ZFYVE19: variants seen among roughly 807,000 people sequenced by gnomAD.
The protein encoded by ZFYVE19 is abscission/NoCut checkpoint regulator.
Under a neutral mutation model 62.8 loss-of-function variants are expected in ZFYVE19, and 49 were observed. The ratio of observed to expected loss-of-function variants is 0.78; its 90% confidence interval spans 0.62 to 0.99. The LOEUF (loss-of-function observed/expected upper bound fraction) is 0.99, where lower values mean the gene tolerates loss of function less well. Among genes scored for constraint, ZFYVE19 ranks in the 50% least tolerant of loss-of-function variants. The probability of loss-of-function intolerance (pLI) is 0.00; values close to 1 mark genes in which losing one functional copy is unlikely to be tolerated. For synonymous variants in ZFYVE19, 242 were observed against 234.3 expected (o/e 1.03, Z -0.30); for missense variants, 630 against 601.9 (o/e 1.05, Z -0.49).
Position 40,813,694 on chromosome 15 carries a change from A to T in ZFYVE19, c.1111-19A>T, listed in dbSNP as rs754384178. 6.2e-7 allele frequency: 1 copy of T among 1,606,082 alleles called. No homozygotes were observed. The highest frequency in any genetic ancestry group is 8.5e-7 in the Non-Finnish European group (1 of 1,175,754). ...TGGGCCTGAAGCAGGGGAGTAGTAC[A>T]TCTTCACCCTGTCCGCAGCTCACTG... On this transcript the variant is annotated intron_variant, in intron 8 of 10. Transcript: ENST00000355341.
In ZFYVE19 at chr15:40,807,435, G is replaced by A; in HGVS notation, c.-155G>A. The stretch of plus-strand genomic sequence containing the variant: ...ACAGGTCCATCTGTAAGAGCTCCTT[G>A]GTCACTGCCATGGTTCCGGCCTGAC... On this transcript the variant is annotated 5_prime_UTR_variant, in exon 1 of 11. Transcript: ENST00000355341. 3.1e-6 allele frequency: 5 copies of A among 1,614,228 alleles called. No individual in the cohort carries two copies. Among genetic ancestry groups the A allele is most frequent in the Non-Finnish European group, 4.2e-6 (5 of 1,180,034 alleles).
chr15:40,811,567 T>C (rs1403366522), intron 6 of ZFYVE19, among the ~76,000 whole-genome samples: 5 of 150,270 alleles, frequency 3.3e-5, no homozygotes, highest in African/African-American at 4.9e-5. Flanking sequence ...CACAATCTCA[T>C]TGAATATCCT....
intron 1 of ZFYVE19, 28 bp from the exon 2 acceptor site, chr15:40,809,091 G>A (rs1890387689): frequency 6.2e-7 from 1 of 1,610,740 alleles, no homozygotes; most frequent in African/African-American, 1.3e-5. Flanking sequence ...GGGTGAGAGG[G>A]GGATCTCCCG....
At chr15:40,808,569 C>A in intron 1 of ZFYVE19, 1 of 618,618 alleles carries the variant, frequency 1.6e-6, no homozygotes, top group Non-Finnish European at 2.6e-6. Flanking sequence ...GTTATGTAAC[C>A]TCTCTGGCCC....
Position 40,813,914 on chromosome 15 carries a change from C to T in ZFYVE19, c.1210-29C>T, listed in dbSNP as rs773191816. On this transcript the variant is annotated intron_variant, in intron 9 of 10. Coordinates refer to ENST00000355341, the MANE Select transcript of ZFYVE19 (RefSeq NM_001077268.2). ...CTCACATACCCCACTGGGTACCTTA[C>T]TTCCTCCATTCCTCTCTGATCCCTG... 3 of 1,592,628 alleles carry T rather than the reference C, an allele frequency of 1.9e-6. No individual in the cohort carries two copies. The African/African-American group carries it at 4.0e-5, about 21-fold the overall frequency.
At chr15:40,808,340 C>A (rs1298856932) in intron 1 of ZFYVE19, 5 of 1,597,642 alleles carry the variant, frequency 3.1e-6, no homozygotes, top group Non-Finnish European at 4.2e-6. Context: ...CTGTCCTGTC[C>A]CTATCACAGA....
At position 40,807,287 on chromosome 15, in the gene ZFYVE19, G is replaced by C; in HGVS notation, c.-303G>C. On this transcript the variant is annotated 5_prime_UTR_variant, in exon 1 of 11. Transcript: ENST00000355341. The stretch of plus-strand genomic sequence containing the variant: ...CAGGACCCGAATGAACCTGGAGAGC[G>C]GATGCCAGCAGTGGCCGAGGCGCTA... 1 of 1,611,432 alleles carries C rather than the reference G, an allele frequency of 6.2e-7. No homozygotes were observed. Among genetic ancestry groups the C allele is most frequent in the Admixed American group, 1.7e-5 (1 of 59,368 alleles).
rs1890439062 is a variant in ZFYVE19, at chr15:40,810,207, C to T, written c.708C>T (p.Thr236=). 1 of 1,614,160 alleles carries T rather than the reference C, an allele frequency of 6.2e-7. No individual in the cohort carries two copies. The highest frequency in any genetic ancestry group is 8.5e-7 in the Non-Finnish European group (1 of 1,180,016). ...AGGGCAGAGTTCTACCTTCTCAAAC[C>T]CCCCAGCCGGTGAGTGTTATGGCTT... ...ALQGRVLPSQ[T]PQPAHHTPDT... The change falls in exon 5 of 11, where the codon ACC becomes ACT. Residue 236 remains threonine (T), a synonymous_variant. Coordinates refer to ENST00000355341, the MANE Select transcript of ZFYVE19 (RefSeq NM_001077268.2).
intron 7 of ZFYVE19, 69 bp downstream of exon 7, chr15:40,812,971 G>A: frequency 1.3e-6 from 2 of 1,552,212 alleles, no homozygotes; most frequent in Admixed American, 3.5e-5. Context: ...GCTGAGTCAG[G>A]TGCTGGGGGT....
rs1472665113 is a variant in ZFYVE19 at position 40,813,369 on chromosome 15, T to C, written c.1062T>C (p.Ser354=). ...TCCAGGACTATCGCCTCCCAGACAG[T>C]GATGACGACGAGGATGAGGAGACAG... ...VTLQDYRLPD[S]DDDEDEETAI... is the part of the protein sequence containing the mutation. Residue 354 remains serine (S), a synonymous_variant, in exon 8 of 11, where the codon AGT becomes AGC. Coordinates refer to ENST00000355341, the MANE Select transcript of ZFYVE19 (RefSeq NM_001077268.2). 2 of 1,612,872 alleles carry C rather than the reference T, an allele frequency of 1.2e-6. No individual in the cohort carries two copies. The highest frequency in any genetic ancestry group is 1.7e-6 in the Non-Finnish European group (2 of 1,179,464).
At position 40,807,392 on chromosome 15, in the gene ZFYVE19, CAA is replaced by C; in HGVS notation, c.-197_-196del. ...ACCTCTTTGTCCGCTGCCTTCTCCTCAATGCCTAGCAGCGCGTACAGGTCCAT... is the reference window on the plus strand; with the variant it reads ...ACCTCTTTGTCCGCTGCCTTCTCCTCTGCCTAGCAGCGCGTACAGGTCCAT... On this transcript the variant is annotated 5_prime_UTR_variant, in exon 1 of 11. It removes an upstream start codon present in the reference 5' UTR. Transcript: ENST00000355341. 6.2e-7 allele frequency: 1 copy of C among 1,614,272 alleles called. No homozygotes were observed. Among genetic ancestry groups the C allele is most frequent in the Non-Finnish European group, 8.5e-7 (1 of 1,180,050 alleles).
rs1418847569 is a variant in ZFYVE19, at chr15:40,809,227, GAGGT to G, written c.389_392del (p.Glu130AlafsTer2). The stretch of plus-strand genomic sequence containing the variant: ...ACAGAAAGTCTGCAAGCAATGCCAT[GAGGT>G]CCTGACCAGGTAAGAGGCAGGCATG... On this transcript the variant is annotated frameshift_variant, in exon 2 of 11. Coordinates refer to ENST00000355341, the MANE Select transcript of ZFYVE19 (RefSeq NM_001077268.2). LOFTEE classifies it high-confidence loss of function. The G allele has an allele frequency of 6.2e-7, 1 of 1,614,108 alleles. No homozygotes were observed. Among genetic ancestry groups the G allele is most frequent in the African/African-American group, 1.3e-5 (1 of 74,950 alleles).
chr15:40,813,412 C>T lies in ZFYVE19; in HGVS notation c.1105C>T (p.Gln369Ter). ...DEETAIQRVL[Q>*]QLTEEASLDE... The stretch of plus-strand genomic sequence containing the variant: ...GGAGACAGCCATCCAAAGAGTCCTG[C>T]AGCAGGTGGGCCTGGATTACCCACC... The change falls in exon 8 of 11, where the codon CAG becomes TAG. Residue 369 changes from glutamine to a stop codon, truncating the protein, a stop_gained. Coordinates refer to ENST00000355341, the MANE Select transcript of ZFYVE19 (RefSeq NM_001077268.2). LOFTEE classifies it high-confidence loss of function. 1.2e-6 allele frequency: 2 copies of T among 1,604,280 alleles called. No homozygotes were observed. Among genetic ancestry groups the T allele is most frequent in the South Asian group, 2.2e-5 (2 of 89,344 alleles).
At chr15:40,808,518 G>T in intron 1 of ZFYVE19, 1 of 1,301,112 alleles carries the variant, frequency 7.7e-7, no homozygotes, top group Non-Finnish European at 1.0e-6. Context: ...TCAAATCTGA[G>T]CTCTGCTGTC....
At position 40,812,574 on chromosome 15, in the gene ZFYVE19, AAAG is replaced by A; in HGVS notation, c.827-122_827-120del. Reference sequence around the variant, plus strand: ...AAAAAAAAAAAAGAAAGAAAGAAAGAAAGAAAGAAAGAAAGAAAAAATTATTAA... The same window carrying A: ...AAAAAAAAAAAAGAAAGAAAGAAAGAAAAGAAAGAAAGAAAAAATTATTAA... On this transcript the variant is annotated intron_variant, in intron 6 of 10. Transcript: ENST00000355341. 4 of 314,574 alleles carry A rather than the reference AAAG, an allele frequency of 1.3e-5. 1 individual carries two copies. The highest frequency in any genetic ancestry group is 1.3e-4 in the Admixed American group (2 of 15,014). 19.5% of individuals were successfully genotyped at this position (314,574 alleles called of 1,614,324 possible).
Position 40,809,390 on chromosome 15 carries a change from T to C in ZFYVE19, c.402-18T>C. ...GGTGGGATGGCAGGATTTATAACAC[T>C]AGATTTCTTCTCTGTAGAGGGTCTT... On this transcript the variant is annotated intron_variant, in intron 2 of 10. Transcript: ENST00000355341. 1 of 1,614,160 alleles carries C rather than the reference T, an allele frequency of 6.2e-7. No individual in the cohort carries two copies. Among genetic ancestry groups the C allele is most frequent in the Non-Finnish European group, 8.5e-7 (1 of 1,180,004 alleles).
Position 40,808,276 on chromosome 15 carries a change from G to A in ZFYVE19, c.279+408G>A, listed in dbSNP as rs200653050. On this transcript the variant is annotated intron_variant, in intron 1 of 10. Coordinates refer to ENST00000355341, the MANE Select transcript of ZFYVE19 (RefSeq NM_001077268.2). ...GCAGCCTGCCCTTCTCCAGGTCGCTGGAGTTAGATTACCACACTTCCTCCT... is the reference window on the plus strand; with the variant it reads ...GCAGCCTGCCCTTCTCCAGGTCGCTAGAGTTAGATTACCACACTTCCTCCT... The A allele has an allele frequency of 4.6e-5, 73 of 1,597,432 alleles. 1 individual carries two copies. Among genetic ancestry groups the A allele is most frequent in the Non-Finnish European group, 6.0e-5 (71 of 1,179,290 alleles).
At chr15:40,811,155 C>G (rs1890476300) in intron 6 of ZFYVE19, 1 of 226,798 alleles carries the variant, frequency 4.4e-6, no homozygotes, top group African/African-American at 2.3e-5. Flanking sequence ...TGAATATTCT[C>G]TGCAATCATG....
At chr15:40,809,553 A>C in intron 3 of ZFYVE19, 95 bp downstream of exon 3, 1 of 1,462,732 alleles carries the variant, frequency 6.8e-7, no homozygotes, top group Non-Finnish European at 9.4e-7. Flanking sequence ...TAAAATGAGC[A>C]CAGAATCAGG....
Sources: gnomAD v4.1 joint callset for allele counts (sites outside exome capture counted in the v4.1 genomes callset) on GRCh38, gnomAD v4.1.1 for gene constraint, MANE v1.5 for transcripts, NCBI Gene and HGNC (gene_info 2026-07-23, HGNC 2026-07-21) for gene names.